CARD14: variants seen among roughly 807,000 people sequenced by gnomAD.
The protein encoded by CARD14 is caspase recruitment domain family member 14, also known as caspase recruitment domain-containing protein 14.
A neutral mutation model predicts 111.5 loss-of-function variants in CARD14; 107 were observed. The ratio of observed to expected loss-of-function variants is 0.96; its 90% CI spans 0.82 to 1.13. The LOEUF (loss-of-function observed/expected upper bound fraction) is 1.13, where lower values mean the gene tolerates loss of function less well. Among genes scored for constraint, CARD14 ranks in the 50% most tolerant of loss-of-function variants. The pLI is 0.00. For missense variants in CARD14, 1,322 were observed against 1,362.3 expected (o/e 0.97, Z 0.47); for synonymous variants, 617 against 579.6 (o/e 1.06, Z -0.93).
chr17:80,180,794 C>T (rs560414139), intron 4 of CARD14, among the ~76,000 whole-genome samples: 1 of 150,944 alleles, frequency 6.6e-6, no homozygotes, highest in East Asian at 2.0e-4. Context: ...ACAGGGTCTC[C>T]CTCTGTCACC....
intron 2 of CARD14, among the ~76,000 whole-genome samples, chr17:80,177,439 T>TGGG: frequency 6.6e-6 from 1 of 152,130 alleles, no homozygotes; most frequent in African/African-American, 2.4e-5. Flanking sequence ...TTCATGCCTG[T>TGGG]AATCCCAGCA....
At position 80,195,674 on chromosome 17, in the gene CARD14, C is replaced by T; in HGVS notation, c.1594+22C>T. ...GCAGGTGAGCACGCCCAACCCTGAA[C>T]CTCCACAGCAGTCCACCTCCCCTGG... On this transcript the variant is annotated intron_variant, in intron 14 of 23. Transcript: ENST00000648509. The surrounding 1 kb of genome is among the most constrained non-coding windows in gnomAD (Gnocchi z 4.7). 6.3e-7 allele frequency: 1 copy of T among 1,596,466 alleles called. No homozygotes were observed. The highest frequency in any genetic ancestry group is 8.6e-7 in the Non-Finnish European group (1 of 1,168,920).
intron 1 of CARD14, among the ~76,000 whole-genome samples, chr17:80,172,517 C>T (rs775332909): frequency 1.9e-4 from 29 of 152,228 alleles, no homozygotes; most frequent in Non-Finnish European, 3.8e-4. Context: ...GGCTCCCACC[C>T]TCTCCATGTG....
At chr17:80,207,697 C>T (rs890009660) in intron 23 of CARD14, 2 of 168,004 alleles carry the variant, frequency 1.2e-5, no homozygotes, top group Non-Finnish European at 2.5e-5. Flanking sequence ...TGGAAAATGA[C>T]ATTTTATAAT....
chr17:80,205,233 C>A, intron 21 of CARD14, 28 bp downstream of exon 21: 1 of 1,575,982 alleles, frequency 6.3e-7, no homozygotes, highest in Non-Finnish European at 8.7e-7. Flanking sequence ...AATCCCTCTA[C>A]CCCTTCCACC....
Position 80,188,066 on chromosome 17 carries a change from C to T in CARD14, c.676-311C>T. On this transcript the variant is annotated intron_variant, in intron 7 of 23. Coordinates refer to ENST00000648509, the MANE Select transcript of CARD14 (RefSeq NM_001366385.1). The surrounding 1 kb of genome is among the most constrained non-coding windows in gnomAD (Gnocchi z 4.5). ...GCATGCTGGCCATCACTGCCGGCTG[C>T]TCAGCTGTAGAGATCCAGGAGTTGG... 1.4e-6 allele frequency: 1 copy of T among 733,634 alleles called. No homozygotes were observed. The highest frequency in any genetic ancestry group is 1.7e-6 in the Non-Finnish European group (1 of 586,990). The allele number at this position is 733,634 out of a possible 1,614,324, so 45.4% of individuals were successfully genotyped here.
chr17:80,204,916 G>C, intron 20 of CARD14, 119 bp from the exon 21 acceptor site: 1 of 844,294 alleles, frequency 1.2e-6, no homozygotes, highest in Non-Finnish European at 1.8e-6. Context: ...TGTGCCCCTG[G>C]AATTCTAGGT....
rs756479310 is a variant in CARD14, at chr17:80,189,163, C to T, written c.844-590C>T. Among the ~76,000 whole-genome samples, 4 of 152,216 alleles carry T rather than the reference C, an allele frequency of 2.6e-5. No homozygotes were observed. Among genetic ancestry groups the T allele is most frequent in the Admixed American group, 6.5e-5 (1 of 15,290 alleles). ...GGCCAATTGTAAAGCATGGGATTCG[C>T]GTTAAGGATGGGGGAAAGAAACCTT... On this transcript the variant is annotated intron_variant, in intron 8 of 23. Transcript: ENST00000648509. This position sits in a 1 kb window ranked among gnomAD's most constrained non-coding sequence, Gnocchi z 4.7.
chr17:80,202,574 ATGT>A (rs1054090690), intron 18 of CARD14, 154 bp downstream of exon 18: 9 of 1,438,126 alleles, frequency 6.3e-6, no homozygotes, highest in South Asian at 1.5e-5. Context: ...ACTGCTGAAG[ATGT>A]TGTTTCTTTG....
chr17:80,183,256 GGGAGTAA>G (rs1020615980), intron 6 of CARD14, among the ~76,000 whole-genome samples: 8 of 152,200 alleles, frequency 5.3e-5, no homozygotes, highest in African/African-American at 1.9e-4. Flanking sequence ...TTTTCCTTCA[GGGAGTAA>G]TTCTAGGCTT....
At chr17:80,173,324 ACG>A (rs72343313) in intron 2 of CARD14, 96 bp downstream of exon 2, 8,526 of 111,886 alleles carry the variant, frequency 0.076, 627 homozygotes, top group African/African-American at 0.2. Flanking sequence ...ACACACACAC[ACG>A]CGCGCGCGCG....
intron 21 of CARD14, 103 bp downstream of exon 21, chr17:80,205,308 C>T: frequency 8.3e-7 from 1 of 1,202,600 alleles, no homozygotes; most frequent in Non-Finnish European, 1.2e-6. Context: ...CTTCCCTCCC[C>T]CACCACGCAC....
At chr17:80,179,676 TAAA>T (rs918402758) in intron 4 of CARD14, among the ~76,000 whole-genome samples, 2 of 151,914 alleles carry the variant, frequency 1.3e-5, no homozygotes, top group Non-Finnish European at 2.9e-5. Flanking sequence ...CTACAAAAAT[TAAA>T]AAAGAAGCCA....
chr17:80,207,413 T>TGGC (rs2041389874), intron 23 of CARD14, among the ~76,000 whole-genome samples: 1 of 152,178 alleles, frequency 6.6e-6, no homozygotes. Flanking sequence ...TAGCCAGGTG[T>TGGC]GGCGGCGGGC....
chr17:80,173,035 C>T lies in CARD14; in HGVS notation c.-560C>T, dbSNP rs1442442265. On this transcript the variant is annotated 5_prime_UTR_variant, in exon 2 of 24. Coordinates refer to ENST00000648509, the MANE Select transcript of CARD14 (RefSeq NM_001366385.1). ...AGCTGGGACTACAGGCGAGCACCAC[C>T]ACAGCCGGCTAATTTTTCTATTTCT... 2.6e-5 allele frequency: 4 copies of T among 152,072 alleles called. No individual in the cohort carries two copies. The highest frequency in any genetic ancestry group is 5.9e-5 in the Non-Finnish European group (4 of 67,948). The allele number at this position is 152,072 out of a possible 1,614,324, so 9.4% of individuals were successfully genotyped here.
At chr17:80,199,171 A>G (rs765935850) in intron 16 of CARD14, among the ~76,000 whole-genome samples, 12 of 152,112 alleles carry the variant, frequency 7.9e-5, no homozygotes, top group Non-Finnish European at 1.8e-4. Context: ...CGAAACGCAC[A>G]AAACTGCTGA....
In CARD14 at chr17:80,184,097, C is replaced by A; in HGVS notation, c.534C>A (p.Ser178Arg). ...TGCACCAGCTGGAGGCTGACCACAG[C>A]CGCATGAAGCGTGAGGTTAGCGCAC... ...EGLHQLEADH[S>R]RMKREVSAHF... The change falls in exon 7 of 24, where the codon AGC (serine) becomes AGA (arginine). Residue 178 changes from serine to arginine, a missense_variant. By Grantham distance (110) the Ser-to-Arg change is moderately radical (BLOSUM62 -1). Transcript: ENST00000648509. 6.3e-7 allele frequency: 1 copy of A among 1,581,368 alleles called. No homozygotes were observed. Among genetic ancestry groups the A allele is most frequent in the Non-Finnish European group, 8.6e-7 (1 of 1,164,392 alleles).
At position 80,180,742 on chromosome 17, in the gene CARD14, A is replaced by ATTTG. The variant is rs57097861; in HGVS notation, c.-20-655_-20-652dup. On this transcript the variant is annotated intron_variant, in intron 4 of 23. Coordinates refer to ENST00000648509, the MANE Select transcript of CARD14 (RefSeq NM_001366385.1). ...TCCAAAGTGCAGCACCCCTACTGTT[A>ATTTG]TTTGTTTGTTTGTTTGTTTGTTTGT... 3.7e-4 allele frequency among the ~76,000 whole-genome samples: 54 copies of ATTTG among 145,438 alleles called. 2 individuals are homozygous for ATTTG. The highest frequency in any genetic ancestry group is 1.4e-3 in the Admixed American group (20 of 14,774).
In CARD14 at chr17:80,188,303, G is replaced by T; in HGVS notation, c.676-74G>T. 6.9e-7 allele frequency: 1 copy of T among 1,456,508 alleles called. No homozygotes were observed. The highest frequency in any genetic ancestry group is 2.7e-5 in the East Asian group (1 of 37,524). 90.2% of individuals were successfully genotyped at this position (1,456,508 alleles called of 1,614,324 possible). On this transcript the variant is annotated intron_variant, in intron 7 of 23. Transcript: ENST00000648509. The surrounding 1 kb of genome is among the most constrained non-coding windows in gnomAD (Gnocchi z 4.5). ...TAAAAGCATCATTAGGAGGAAGGGT[G>T]AGAAATGCCCCCAGCTCCTGATCAG...
Sources: allele counts gnomAD v4.1 joint callset (sites outside exome capture counted in the v4.1 genomes callset), GRCh38; gene constraint gnomAD v4.1.1; non-coding constraint Gnocchi (gnomAD v3.1); transcripts MANE v1.5; gene names NCBI Gene and HGNC (gene_info 2026-07-23, HGNC 2026-07-21).